Variants in TSPAN17 observed in about 807,000 individuals in gnomAD.
TSPAN17 encodes the protein tetraspanin-17.
In TSPAN17, 33 loss-of-function variants were observed where a neutral mutation model predicts 40.5. The ratio of observed to expected loss-of-function variants is 0.81; its 90% CI spans 0.62 to 1.09. The LOEUF is 1.09. TSPAN17 is among the 50% of genes least tolerant of loss of function. TSPAN17 has a pLI of 0.00. For missense variants in TSPAN17, 365 were observed against 416.8 expected, an observed-to-expected ratio of 0.88 and a Z score of 1.08; for synonymous variants, 166 against 169.4, an observed-to-expected ratio of 0.98 and a Z score of 0.15.
At position 176,655,037 on chromosome 5, in the gene TSPAN17, G is replaced by A. The variant is rs1201085647; in HGVS notation, c.582+17G>A. On this transcript the variant is annotated intron_variant, in intron 5 of 8. Transcript: ENST00000508164. Reference sequence around the variant, plus strand: ...GACCCTGCGGTGAGTGGGGCTGGGGGAGGAGAGGTAAGGGACTTTCCAGTG... The same window carrying A: ...GACCCTGCGGTGAGTGGGGCTGGGGAAGGAGAGGTAAGGGACTTTCCAGTG... 1 of 1,592,208 alleles carries A rather than the reference G, an allele frequency of 6.3e-7. No homozygotes were observed. Among genetic ancestry groups the A allele is most frequent in the Non-Finnish European group, 8.6e-7 (1 of 1,169,082 alleles).
At chr5:176,657,346 C>A in intron 8 of TSPAN17, 172 bp from the exon 9 acceptor site, 2 of 1,204,990 alleles carry the variant, frequency 1.7e-6, no homozygotes, top group Non-Finnish European at 2.3e-6. Flanking sequence ...TGGGACGCAC[C>A]TTTCTGTGCG....
Position 176,658,673 on chromosome 5 carries a change from T to G in TSPAN17, c.*975T>G, listed in dbSNP as rs867590215. On this transcript the variant is annotated 3_prime_UTR_variant, in exon 9 of 9. Transcript: ENST00000508164. Reference sequence around the variant, plus strand: ...GACAGTGGCCGCTGCCATATTCAGGTGTAGCTAATTGCTCTGGTGTGGGAA... The same window carrying G: ...GACAGTGGCCGCTGCCATATTCAGGGGTAGCTAATTGCTCTGGTGTGGGAA... 6.6e-6 allele frequency: 1 copy of G among 152,252 alleles called. No homozygotes were observed. Among genetic ancestry groups the G allele is most frequent in the South Asian group, 2.1e-4 (1 of 4,838 alleles). The allele number at this position is 152,252 out of a possible 1,614,324, so 9.4% of individuals were successfully genotyped here.
At position 176,654,902 on chromosome 5, in the gene TSPAN17, G is replaced by A. The variant is rs745557246; in HGVS notation, c.464G>A (p.Cys155Tyr). Residue 155 changes from cysteine (C) to tyrosine (Y), a missense_variant, in exon 5 of 9, where the codon TGC becomes TAC. Coordinates refer to ENST00000508164, the MANE Select transcript of TSPAN17 (RefSeq NM_130465.5). The surrounding 1 kb of genome is among the most constrained non-coding windows in gnomAD (Gnocchi z 4.3). Reference sequence around the variant, plus strand: ...TCTCCCCTGCCCCCACAGTGGTCTTGCTGCGGAGCCCGAGGCCCCAATGAC... The same window carrying A: ...TCTCCCCTGCCCCCACAGTGGTCTTACTGCGGAGCCCGAGGCCCCAATGAC... The part of the protein sequence containing the change: ...LIDFAQEYWS[C>Y]CGARGPNDWN... 1 of 1,613,878 alleles carries A rather than the reference G, an allele frequency of 6.2e-7. No homozygotes were observed. The highest frequency in any genetic ancestry group is 1.7e-5 in the Admixed American group (1 of 59,992).
chr5:176,655,624 C>T (rs1061799), intron 5 of TSPAN17, among the ~76,000 whole-genome samples: 38,457 of 151,600 alleles, frequency 0.25, 5,000 homozygotes, highest in East Asian at 0.42. Context: ...CCACGCATTC[C>T]AGCGTCTGGG....
intron 4 of TSPAN17, chr5:176,653,196 G>A: frequency 3.3e-6 from 1 of 304,160 alleles, no homozygotes; most frequent in African/African-American, 2.1e-5. Context: ...GGAGAATGGA[G>A]GAAATGTGAC....
intron 7 of TSPAN17, 31 bp from the exon 8 acceptor site, chr5:176,656,864 A>C: frequency 6.2e-7 from 1 of 1,613,214 alleles, no homozygotes; most frequent in African/African-American, 1.3e-5. Flanking sequence ...GGCCGCCCTC[A>C]CTCTCCCCTC....
Position 176,656,928 on chromosome 5 carries a change from AG to A in TSPAN17, c.782del (p.Ser261MetfsTer6), listed in dbSNP as rs772879206. ...CATCTGCCTGGCCCAGAACCTCGTG[AG>A]TGACATCAAGGCAGTGAAAGCCAAC... ...FGICLAQNLV[S>X]DIKAVKANWS... On this transcript the variant is annotated frameshift_variant, in exon 8 of 9. Transcript: ENST00000508164. LOFTEE classifies it low-confidence loss of function (END_TRUNC). 3.1e-6 allele frequency: 5 copies of A among 1,613,974 alleles called. No homozygotes were observed. The highest frequency in any genetic ancestry group is 3.4e-6 in the Non-Finnish European group (4 of 1,180,006).
rs1181894393 is a variant in TSPAN17 at position 176,656,284 on chromosome 5, G to C, written c.630+159G>C. The C allele has an allele frequency of 3.8e-6, 3 of 780,496 alleles. No individual in the cohort carries two copies. The East Asian group carries it at 8.0e-5, about 21-fold the overall frequency. 48.3% of individuals were successfully genotyped at this position (780,496 alleles called of 1,614,324 possible). ...ACACCCAGGCAGCGGAGGGGGAGTA[G>C]ACCCCTGGGCCTGGGCAGATGTGGG... On this transcript the variant is annotated intron_variant, in intron 6 of 8. Coordinates refer to ENST00000508164, the MANE Select transcript of TSPAN17 (RefSeq NM_130465.5).
chr5:176,651,782 C>CAG lies in TSPAN17; in HGVS notation c.169_170dup (p.Asp57GlufsTer14). On this transcript the variant is annotated frameshift_variant, in exon 3 of 9. Transcript: ENST00000508164. LOFTEE classifies it high-confidence loss of function. The surrounding 1 kb of genome is among the most constrained non-coding windows in gnomAD (Gnocchi z 4.5). The stretch of plus-strand genomic sequence containing the variant: ...GTTCTCTCGAACATCTCAGCGCTGA[C>CAG]AGATCTGGGAGGCCTTGACCCCGTG... 6.2e-7 allele frequency: 1 copy of CAG among 1,614,184 alleles called. No individual in the cohort carries two copies. Among genetic ancestry groups the CAG allele is most frequent in the Non-Finnish European group, 8.5e-7 (1 of 1,180,024 alleles).
rs1322977014 is a variant in TSPAN17 at position 176,658,599 on chromosome 5, G to A, written c.*901G>A. On this transcript the variant is annotated 3_prime_UTR_variant, in exon 9 of 9. Transcript: ENST00000508164. Reference sequence around the variant, plus strand: ...AGTCGGTAACAGCCACTTTCCTTGAGACCAAGAGAGTGCGGTGGGGATGGG... The same window carrying A: ...AGTCGGTAACAGCCACTTTCCTTGAAACCAAGAGAGTGCGGTGGGGATGGG... The A allele has an allele frequency of 6.6e-6, 1 of 152,272 alleles. No individual in the cohort carries two copies. Among genetic ancestry groups the A allele is most frequent in the Non-Finnish European group, 1.5e-5 (1 of 68,054 alleles). 9.4% of individuals were successfully genotyped at this position (152,272 alleles called of 1,614,324 possible).
chr5:176,648,077 T>A lies in TSPAN17; in HGVS notation c.87+375T>A, dbSNP rs540022864. Among the ~76,000 whole-genome samples the A allele has an allele frequency of 3.9e-5, 6 of 152,272 alleles. No homozygotes were observed. The South Asian group carries it at 1.2e-3, about 32-fold the overall frequency. On this transcript the variant is annotated intron_variant, in intron 1 of 8. Transcript: ENST00000508164. Reference sequence around the variant, plus strand: ...TGGGATGCGTGCCAAGCCCCACCCCTGGTTTAGCCGGTAAGGAGATTCTGG... The same window carrying A: ...TGGGATGCGTGCCAAGCCCCACCCCAGGTTTAGCCGGTAAGGAGATTCTGG...
chr5:176,652,819 T>G lies in TSPAN17; in HGVS notation c.362T>G (p.Ile121Ser), dbSNP rs1328949245. 1 of 1,614,076 alleles carries G rather than the reference T, an allele frequency of 6.2e-7. No homozygotes were observed. Among genetic ancestry groups the G allele is most frequent in the Non-Finnish European group, 8.5e-7 (1 of 1,180,026 alleles). Residue 121 changes from isoleucine (I) to serine (S), a missense_variant, in exon 4 of 9, where the codon ATT becomes AGT. Coordinates refer to ENST00000508164, the MANE Select transcript of TSPAN17 (RefSeq NM_130465.5). Reference sequence around the variant, plus strand: ...CTGGCCTTTGTCTTCAAGGACTGGATTCGAGACCAGCTCAACCTCTTCATC... The same window carrying G: ...CTGGCCTTTGTCTTCAAGGACTGGAGTCGAGACCAGCTCAACCTCTTCATC... ...GILAFVFKDW[I>S]RDQLNLFINN... is the part of the protein sequence containing the mutation.
chr5:176,649,494 C>A (rs1760881451), intron 1 of TSPAN17, among the ~76,000 whole-genome samples: 1 of 151,496 alleles, frequency 6.6e-6, no homozygotes, highest in South Asian at 2.1e-4. Flanking sequence ...ATGGCACGAT[C>A]TCGGTTCACT....
In TSPAN17 at chr5:176,647,607, C is replaced by T; in HGVS notation, c.-9C>T. The T allele has an allele frequency of 1.3e-6, 2 of 1,553,712 alleles. No individual in the cohort carries two copies. Among genetic ancestry groups the T allele is most frequent in the South Asian group, 1.2e-5 (1 of 84,400 alleles). On this transcript the variant is annotated 5_prime_UTR_variant, in exon 1 of 9. Transcript: ENST00000508164. ...CTCCGGTTTCCGGGCCGGCGGGTGG[C>T]CGCTCACCATGCCCGGCAAGCACCA...
chr5:176,655,989 G>T, intron 5 of TSPAN17, 89 bp from the exon 6 acceptor site: 1 of 1,249,540 alleles, frequency 8.0e-7, no homozygotes, highest in South Asian at 1.2e-5. Flanking sequence ...TGCGTCCTCT[G>T]AGAAGGAAAA....
chr5:176,647,684 C>G lies in TSPAN17; in HGVS notation c.69C>G (p.Gly23=), dbSNP rs1382859653. Residue 23 remains glycine (G), a synonymous_variant, in exon 1 of 9, where the codon GGC becomes GGG. Coordinates refer to ENST00000508164, the MANE Select transcript of TSPAN17 (RefSeq NM_130465.5). ...GCTGCGGGAAATACTTCCTGTTTGG[C>G]TTCAACATTGTCTTCTGGGTGAGCG... The part of the protein sequence containing the change: ...VGCCGKYFLF[G]FNIVFWVLGA... The G allele has an allele frequency of 1.9e-6, 3 of 1,598,272 alleles. No homozygotes were observed. The highest frequency in any genetic ancestry group is 2.6e-6 in the Non-Finnish European group (3 of 1,173,270).
Position 176,647,697 on chromosome 5 carries a change from T to C in TSPAN17, c.82T>C (p.Phe28Leu). 1 of 1,592,106 alleles carries C rather than the reference T, an allele frequency of 6.3e-7. No individual in the cohort carries two copies. Among genetic ancestry groups the C allele is most frequent in the Non-Finnish European group, 8.5e-7 (1 of 1,170,316 alleles). The stretch of plus-strand genomic sequence containing the variant: ...CTTCCTGTTTGGCTTCAACATTGTC[T>C]TCTGGGTGAGCGCGGGGTCTGCGCC... ...KYFLFGFNIV[F>L]WVLGALFLAI... Residue 28 changes from phenylalanine to leucine, a missense_variant, in exon 1 of 9, where the codon TTC becomes CTC. Phe to Leu is a conservative substitution (Grantham distance 22, BLOSUM62 0). Transcript: ENST00000508164.
chr5:176,649,822 A>G lies in TSPAN17; in HGVS notation c.88-1794A>G, dbSNP rs78740001. Among the ~76,000 whole-genome samples, 578 of 152,224 alleles carry G rather than the reference A, an allele frequency of 3.8e-3. 3 individuals carry two copies. The highest frequency in any genetic ancestry group is 0.013 in the African/African-American group (542 of 41,556). On this transcript the variant is annotated intron_variant, in intron 1 of 8. Coordinates refer to ENST00000508164, the MANE Select transcript of TSPAN17 (RefSeq NM_130465.5). ...CGCCCTTCAGTTTGTTCCTTGAACT[A>G]GACGTGGTCTTGTGTCAGGGCCTCT...
rs1346183453 is a variant in TSPAN17, at chr5:176,651,171, G to A, written c.88-445G>A. ...GCTGGGGAGGAGTGTTGAGGGCGGG[G>A]CCGCAGTCACACGGCTTTAGGGTAG... On this transcript the variant is annotated intron_variant, in intron 1 of 8. Coordinates refer to ENST00000508164, the MANE Select transcript of TSPAN17 (RefSeq NM_130465.5). This position sits in a 1 kb window ranked among gnomAD's most constrained non-coding sequence, Gnocchi z 4.5. Among the ~76,000 whole-genome samples the A allele has an allele frequency of 6.6e-6, 1 of 152,188 alleles. No individual in the cohort carries two copies. Among genetic ancestry groups the A allele is most frequent in the East Asian group, 1.9e-4 (1 of 5,186 alleles).
Sources: gnomAD v4.1 joint callset for allele counts (sites outside exome capture counted in the v4.1 genomes callset) on GRCh38, gnomAD v4.1.1 for gene constraint, Gnocchi (gnomAD v3.1) non-coding constraint, MANE v1.5 for transcripts, NCBI Gene and HGNC (gene_info 2026-07-23, HGNC 2026-07-21) for gene names.